NRXN1: variants seen among roughly 807,000 people sequenced by gnomAD.
NRXN1 encodes the protein neurexin 1, also known as neurexin-1.
NRXN1 carries 39 observed loss-of-function variants against 150.9 expected under a neutral mutation model. The ratio of observed to expected loss-of-function variants is 0.26; its 90% CI spans 0.20 to 0.34. The LOEUF (loss-of-function observed/expected upper bound fraction) is 0.34. Among genes scored for constraint, NRXN1 ranks in the 10% least tolerant of loss-of-function variants. NRXN1 has a pLI of 1.00. For missense variants in NRXN1, 1,815 were observed against 1,949.9 expected (o/e 0.93, Z 1.30); for synonymous variants, 924 against 757.0 (o/e 1.22, Z -3.62).
chr2:50,749,794 T>TAA (rs1700386836), intron 5 of NRXN1, among the ~76,000 whole-genome samples: 1 of 152,034 alleles, frequency 6.6e-6, no homozygotes, highest in African/African-American at 2.4e-5. Context: ...TACAAATGAG[T>TAA]AAGGTGAAAT....
At chr2:50,344,191 C>A (rs948050121) in intron 17 of NRXN1, among the ~76,000 whole-genome samples, 1 of 152,090 alleles carries the variant, frequency 6.6e-6, no homozygotes, top group African/African-American at 2.4e-5. Flanking sequence ...GTTCTCAGTC[C>A]CTCTGCACTC....
At position 50,244,923 on chromosome 2, in the gene NRXN1, GA is replaced by G. The variant is rs146117173; in HGVS notation, c.3365-7954del. ...GATTAATGAAAACCTAAGATTATCAGAAAAAAATGATAAGAAAAATCTATGT... is the reference window on the plus strand; with the variant it reads ...GATTAATGAAAACCTAAGATTATCAGAAAAAATGATAAGAAAAATCTATGT... On this transcript the variant is annotated intron_variant, in intron 17 of 22. Coordinates refer to ENST00000401669, the MANE Select transcript of NRXN1 (RefSeq NM_001330078.2). 6.6e-5 allele frequency among the ~76,000 whole-genome samples: 10 copies of G among 151,740 alleles called. No individual in the cohort carries two copies. In the East Asian group the frequency reaches 1.9e-3, roughly 29 times the overall value.
chr2:50,799,808 A>G (rs1226063763), intron 5 of NRXN1, among the ~76,000 whole-genome samples: 2 of 152,170 alleles, frequency 1.3e-5, no homozygotes, highest in East Asian at 1.9e-4. Flanking sequence ...ATGGTAAGTC[A>G]AGAAGCATCT....
chr2:50,226,643 G>T (rs562095473), intron 18 of NRXN1, among the ~76,000 whole-genome samples: 122 of 152,068 alleles, frequency 8.0e-4, no homozygotes, highest in African/African-American at 2.8e-3. Context: ...TACATCAGAG[G>T]TCCAGCTAAG....
At chr2:50,497,065 T>C (rs2091677357) in intron 14 of NRXN1, among the ~76,000 whole-genome samples, 1 of 152,230 alleles carries the variant, frequency 6.6e-6, no homozygotes, top group Non-Finnish European at 1.5e-5. Flanking sequence ...ATTTGAATTG[T>C]AACATTCATG....
intron 18 of NRXN1, among the ~76,000 whole-genome samples, chr2:50,142,096 A>G (rs1707354140): frequency 6.6e-6 from 1 of 152,086 alleles, no homozygotes; most frequent in Admixed American, 6.6e-5. Context: ...GTGGTGGTAT[A>G]TGTACACAGT....
rs1365202217 is a variant in NRXN1 at position 50,998,051 on chromosome 2, C to T, written c.772+29451G>A. On this transcript the variant is annotated intron_variant, in intron 2 of 22. Transcript: ENST00000401669. ...GAAATAGAAATAGGGTCAATGTCAA[C>T]AGCAGCAAGATGACGACAGACCAAT... Among the ~76,000 whole-genome samples, 2 of 141,474 alleles carry T rather than the reference C, an allele frequency of 1.4e-5. 1 individual carries two copies. Among genetic ancestry groups the T allele is most frequent in the East Asian group, 4.0e-4 (2 of 4,980 alleles). 92.8% of individuals were successfully genotyped at this position (141,474 alleles called of 152,430 possible).
intron 18 of NRXN1, among the ~76,000 whole-genome samples, chr2:50,215,300 C>G (rs1012993026): frequency 6.6e-6 from 1 of 151,850 alleles, no homozygotes; most frequent in African/African-American, 2.4e-5. Context: ...TTATTACACC[C>G]CTGGGGCACA....
At chr2:50,573,576 G>A (rs1330725694) in intron 8 of NRXN1, among the ~76,000 whole-genome samples, 1 of 151,890 alleles carries the variant, frequency 6.6e-6, no homozygotes, top group South Asian at 2.1e-4. Context: ...AATCAAATAT[G>A]ATATTTTTAT....
intron 17 of NRXN1, among the ~76,000 whole-genome samples, chr2:50,373,609 A>AAGAG (rs1285674567): frequency 6.9e-6 from 1 of 143,958 alleles, no homozygotes; most frequent in Non-Finnish European, 1.5e-5. Context: ...GAGAGAAAGA[A>AAGAG]AGAGAGAGAG....
At chr2:50,913,025 A>T (rs1434447831) in intron 5 of NRXN1, 2 of 151,876 alleles carry the variant, frequency 1.3e-5, no homozygotes, top group African/African-American at 2.4e-5. Flanking sequence ...CACTGAAAGT[A>T]CCGATGGGTC....
chr2:51,027,559 C>T lies in NRXN1; in HGVS notation c.715G>A (p.Asp239Asn). 1 of 1,594,890 alleles carries T rather than the reference C, an allele frequency of 6.3e-7. No homozygotes were observed. The part of the protein sequence containing the change: ...LNGGVCSVVD[D>N]QAVCDCSRTG... ...CGCGAGCAGTCGCACACGGCCTGGTCGTCCACCACGGAGCACACACCTCCG... is the reference window on the plus strand; with the variant it reads ...CGCGAGCAGTCGCACACGGCCTGGTTGTCCACCACGGAGCACACACCTCCG... Residue 239 changes from aspartate (D) to asparagine (N), a missense_variant, in exon 2 of 23, where the codon GAC becomes AAC. Coordinates refer to ENST00000401669, the MANE Select transcript of NRXN1 (RefSeq NM_001330078.2).
chr2:50,290,965 G>A (rs966042501), intron 17 of NRXN1, among the ~76,000 whole-genome samples: 1 of 152,074 alleles, frequency 6.6e-6, no homozygotes, highest in Non-Finnish European at 1.5e-5. Context: ...TGCAGTTGAG[G>A]TGCAATTACC....
chr2:50,065,400 G>T (rs1695211050), intron 19 of NRXN1, among the ~76,000 whole-genome samples: 1 of 152,082 alleles, frequency 6.6e-6, no homozygotes, highest in Admixed American at 6.6e-5. Flanking sequence ...TGAGTCATAA[G>T]GGCCAACATC....
intron 22 of NRXN1, among the ~76,000 whole-genome samples, chr2:49,924,864 ATAT>A (rs755159760): frequency 3.9e-5 from 6 of 152,192 alleles, no homozygotes; most frequent in African/African-American, 7.2e-5. Flanking sequence ...ATCATAGCAG[ATAT>A]TATTATAGGT....
intron 5 of NRXN1, among the ~76,000 whole-genome samples, chr2:50,650,772 C>T (rs368193893): frequency 6.6e-6 from 1 of 152,072 alleles, no homozygotes; most frequent in East Asian, 1.9e-4. Context: ...TTTTAAAACT[C>T]CCTCCCTGTG....
Position 50,026,859 on chromosome 2 carries a change from C to CTTTTTTTTTTTT in NRXN1, c.4128+26400_4128+26411dup, listed in dbSNP as rs57580154. Among the ~76,000 whole-genome samples the CTTTTTTTTTTTT allele has an allele frequency of 2.8e-3, 181 of 65,240 alleles. 45 individuals carry two copies. Among genetic ancestry groups the CTTTTTTTTTTTT allele is most frequent in the East Asian group, 6.1e-3 (10 of 1,632 alleles). The allele number at this position is 65,240 out of a possible 152,430, so 42.8% of individuals were successfully genotyped here. ...TTGCATTGTTTAAGTCTTTTCTTTT[C>CTTTTTTTTTTTT]TTTTTTTTTTTTTTTTTTTTTTTTT... On this transcript the variant is annotated intron_variant, in intron 21 of 22. Transcript: ENST00000401669.
intron 21 of NRXN1, among the ~76,000 whole-genome samples, chr2:49,992,639 C>T (rs1682198718): frequency 6.6e-6 from 1 of 151,950 alleles, no homozygotes; most frequent in Non-Finnish European, 1.5e-5. Flanking sequence ...AGAAGACAAG[C>T]CACAGACTAG....
intron 17 of NRXN1, among the ~76,000 whole-genome samples, chr2:50,261,249 T>C (rs939661293): frequency 2.0e-5 from 3 of 151,736 alleles, no homozygotes; most frequent in African/African-American, 7.2e-5. Context: ...TAGGCCAAAT[T>C]TGACCCTGAA....
Sources: gnomAD v4.1 joint callset for allele counts (sites outside exome capture counted in the v4.1 genomes callset) on GRCh38, gnomAD v4.1.1 for gene constraint, MANE v1.5 for transcripts, NCBI Gene and HGNC (gene_info 2026-07-23, HGNC 2026-07-21) for gene names.